The following GABRG3 variants were observed in gnomAD, a reference collection of about 807,000 sequenced individuals.
GABRG3 encodes the protein gamma-aminobutyric acid type A receptor subunit gamma3, also known as gamma-aminobutyric acid receptor subunit gamma-3.
In GABRG3, 25 loss-of-function variants were observed where a neutral mutation model predicts 48.8. The observed-to-expected ratio is 0.51, with a 90% CI of 0.37 to 0.72. GABRG3 has a LOEUF of 0.72. Ranked by LOEUF, GABRG3 falls within the 30% of genes least tolerant of loss-of-function variation. GABRG3 has a pLI of 0.00. For missense variants in GABRG3, 394 were observed against 577.9 expected (o/e 0.68, Z 3.26); for synonymous variants, 227 against 217.6 (o/e 1.04, Z -0.38).
At chr15:27,263,761 C>T (rs1415040047) in intron 3 of GABRG3, among the ~76,000 whole-genome samples, 2 of 151,886 alleles carry the variant, frequency 1.3e-5, no homozygotes, top group Admixed American at 1.3e-4. Context: ...AGACAACCAC[C>T]GGACGGACTG....
At chr15:27,389,460 C>T (rs569874393) in intron 5 of GABRG3, among the ~76,000 whole-genome samples, 5 of 152,238 alleles carry the variant, frequency 3.3e-5, no homozygotes, top group African/African-American at 1.2e-4. Context: ...AATTTTGTAC[C>T]AGCGCCACCA....
Position 27,179,960 on chromosome 15 carries a change from T to C in GABRG3, c.271-146849T>C, listed in dbSNP as rs1887874288. On this transcript the variant is annotated intron_variant, in intron 3 of 9. Transcript: ENST00000615808. This position sits in a 1 kb window ranked among gnomAD's most constrained non-coding sequence, Gnocchi z 4.0. ...TCCTAGATGAGGCTGGGCGTGGCTC[T>C]GAAGAGCTGCAGCACTTCTCTCTGG... Among the ~76,000 whole-genome samples the C allele has an allele frequency of 6.6e-6, 1 of 152,196 alleles. No individual in the cohort carries two copies. Among genetic ancestry groups the C allele is most frequent in the Non-Finnish European group, 1.5e-5 (1 of 68,032 alleles).
At chr15:27,212,855 T>G (rs919993886) in intron 3 of GABRG3, among the ~76,000 whole-genome samples, 4 of 152,220 alleles carry the variant, frequency 2.6e-5, no homozygotes, top group African/African-American at 4.8e-5. Flanking sequence ...GTGACTGACT[T>G]ACTTTACTCA....
At chr15:27,182,820 C>A (rs208125) in intron 3 of GABRG3, among the ~76,000 whole-genome samples, 27,425 of 152,098 alleles carry the variant, frequency 0.18, 2,555 homozygotes, top group East Asian at 0.33. Context: ...ACCTAATGAA[C>A]AGGATGTCCA....
chr15:27,192,640 A>G (rs748255038), intron 3 of GABRG3, among the ~76,000 whole-genome samples: 38 of 152,080 alleles, frequency 2.5e-4, no homozygotes, highest in Non-Finnish European at 3.7e-4. Flanking sequence ...ATTGTTTTCA[A>G]AGTTTTTAAT....
intron 2 of GABRG3, among the ~76,000 whole-genome samples, chr15:27,005,036 A>G (rs1225989237): frequency 6.6e-6 from 1 of 152,124 alleles, no homozygotes; most frequent in African/African-American, 2.4e-5. Flanking sequence ...TCATGCAAAG[A>G]TAGCATTTTA....
At chr15:27,016,958 C>A (rs981105645) in intron 2 of GABRG3, among the ~76,000 whole-genome samples, 1 of 152,088 alleles carries the variant, frequency 6.6e-6, no homozygotes, top group Admixed American at 6.5e-5. Flanking sequence ...TTCTTAGTTT[C>A]TGTCTCTTTT....
At chr15:27,313,532 A>G (rs929812705) in intron 3 of GABRG3, among the ~76,000 whole-genome samples, 2 of 151,442 alleles carry the variant, frequency 1.3e-5, no homozygotes, top group African/African-American at 4.9e-5. Flanking sequence ...AGCAGAATCT[A>G]CATTCTTCTC....
chr15:27,501,118 A>AT (rs1251219798), intron 6 of GABRG3, among the ~76,000 whole-genome samples: 2 of 151,824 alleles, frequency 1.3e-5, no homozygotes, highest in Non-Finnish European at 2.9e-5. Context: ...CGCCCAGCAA[A>AT]TTTTTTGTAT....
chr15:27,366,054 C>T (rs1381246658), intron 5 of GABRG3: 1 of 152,180 alleles, frequency 6.6e-6, no homozygotes, highest in African/African-American at 2.4e-5. Flanking sequence ...AGAACGAAAA[C>T]TTGCAACATG....
At chr15:27,089,520 C>T (rs1897149059) in intron 3 of GABRG3, among the ~76,000 whole-genome samples, 1 of 152,142 alleles carries the variant, frequency 6.6e-6, no homozygotes, top group South Asian at 2.1e-4. Flanking sequence ...GAACCAGACT[C>T]AGAGTTGAAA....
At chr15:27,289,013 CTT>C (rs1376752667) in intron 3 of GABRG3, among the ~76,000 whole-genome samples, 1 of 152,148 alleles carries the variant, frequency 6.6e-6, no homozygotes. Flanking sequence ...TCTTCCATAA[CTT>C]TGAGGTGAAA....
At chr15:27,078,846 T>G (rs1223070047) in intron 3 of GABRG3, among the ~76,000 whole-genome samples, 1 of 152,204 alleles carries the variant, frequency 6.6e-6, no homozygotes, top group Non-Finnish European at 1.5e-5. Flanking sequence ...AACCTCAGAA[T>G]ATGACCTTAT....
At chr15:27,023,015 A>G (rs1355184284) in intron 2 of GABRG3, among the ~76,000 whole-genome samples, 1 of 152,168 alleles carries the variant, frequency 6.6e-6, no homozygotes, top group African/African-American at 2.4e-5. Context: ...AGGTTCACAT[A>G]TGCTGCACAA....
chr15:27,129,998 C>T (rs1897888521), intron 3 of GABRG3, among the ~76,000 whole-genome samples: 1 of 152,064 alleles, frequency 6.6e-6, no homozygotes, highest in South Asian at 2.1e-4. Flanking sequence ...GTCTCACATG[C>T]TATATGTTGT....
intron 5 of GABRG3, among the ~76,000 whole-genome samples, chr15:27,456,631 A>C (rs895336523): frequency 1.3e-5 from 2 of 152,182 alleles, no homozygotes; most frequent in Admixed American, 6.5e-5. Flanking sequence ...ATGTCTTCCC[A>C]AGGAACGGCC....
intron 6 of GABRG3, among the ~76,000 whole-genome samples, chr15:27,501,498 C>G (rs1242964096): frequency 6.6e-6 from 1 of 152,084 alleles, no homozygotes; most frequent in Non-Finnish European, 1.5e-5. Context: ...AAGCCCTTCT[C>G]CCAGATATAA....
intron 3 of GABRG3, among the ~76,000 whole-genome samples, chr15:27,272,954 T>C (rs1319975109): frequency 6.6e-6 from 1 of 152,226 alleles, no homozygotes; most frequent in Non-Finnish European, 1.5e-5. Context: ...ATTTGGTCTG[T>C]TGCCGCCACT....
chr15:27,341,319 C>T (rs1473284022), intron 5 of GABRG3, among the ~76,000 whole-genome samples: 5 of 152,032 alleles, frequency 3.3e-5, no homozygotes, highest in African/African-American at 9.7e-5. Flanking sequence ...AAGAGCTAAC[C>T]GCTAGCTTCT....
Sources: allele counts gnomAD v4.1 joint callset (sites outside exome capture counted in the v4.1 genomes callset), GRCh38; gene constraint gnomAD v4.1.1; non-coding constraint Gnocchi (gnomAD v3.1); transcripts MANE v1.5; gene names NCBI Gene and HGNC (gene_info 2026-07-23, HGNC 2026-07-21).